CDH18: variants seen among roughly 807,000 people sequenced by gnomAD.
CDH18 encodes the protein cadherin-18.
In CDH18, 31 loss-of-function variants were observed where a neutral mutation model predicts 67.9. The ratio of observed to expected loss-of-function variants is 0.46; its 90% confidence interval spans 0.34 to 0.62. The LOEUF is 0.62. Among genes scored for constraint, CDH18 ranks in the 20% least tolerant of loss-of-function variants. The pLI, the probability that CDH18 is intolerant of heterozygous loss-of-function variation, is 0.01. For missense variants in CDH18, 890 were observed against 975.5 expected (o/e 0.91, Z 1.17); for synonymous variants, 362 against 347.2 (o/e 1.04, Z -0.48).
chr5:20,286,645 C>T (rs1746717698), intron 1 of CDH18, among the ~76,000 whole-genome samples: 3 of 151,630 alleles, frequency 2.0e-5, no homozygotes, highest in Admixed American at 1.3e-4. Flanking sequence ...CCTATGCTAA[C>T]AAAATGTTCT....
At chr5:20,460,956 T>C (rs185920603) in intron 1 of CDH18, among the ~76,000 whole-genome samples, 2 of 152,328 alleles carry the variant, frequency 1.3e-5, no homozygotes, top group East Asian at 3.9e-4. Context: ...CCTCAGGAGC[T>C]AGCAATCACA....
chr5:20,259,062 A>G (rs763514430), intron 1 of CDH18, among the ~76,000 whole-genome samples: 3 of 152,198 alleles, frequency 2.0e-5, no homozygotes, highest in Non-Finnish European at 4.4e-5. Flanking sequence ...CTGCTGCAAC[A>G]AACGCCTAAA....
At chr5:19,631,206 C>T (rs1006296563) in intron 5 of CDH18, among the ~76,000 whole-genome samples, 1 of 151,818 alleles carries the variant, frequency 6.6e-6, no homozygotes, top group African/African-American at 2.4e-5. Flanking sequence ...GAGTACAAGT[C>T]GATCATAAGC....
intron 2 of CDH18, among the ~76,000 whole-genome samples, chr5:19,841,774 T>A (rs1177693436): frequency 2.0e-5 from 3 of 152,168 alleles, no homozygotes; most frequent in Non-Finnish European, 4.4e-5. Flanking sequence ...TTGCAATGCA[T>A]TACAGATATG....
At chr5:20,241,752 T>A (rs1465614919) in intron 2 of CDH18, among the ~76,000 whole-genome samples, 1 of 150,950 alleles carries the variant, frequency 6.6e-6, no homozygotes, top group Non-Finnish European at 1.5e-5. Flanking sequence ...CTCGGGAGGC[T>A]GAAGCAGGAG....
Position 19,960,667 on chromosome 5 carries a change from A to G in CDH18, c.-257+20393T>C, listed in dbSNP as rs147720631. Among the ~76,000 whole-genome samples the G allele has an allele frequency of 5.4e-3, 692 of 126,998 alleles. 9 individuals are homozygous for G. The highest frequency in any genetic ancestry group is 9.4e-3 in the East Asian group (46 of 4,868). The allele number at this position is 126,998 out of a possible 152,430, so 83.3% of individuals were successfully genotyped here. ...TATACACGTGTATATATATATACAC[A>G]TGTATATATATGTATACATATACAC... On this transcript the variant is annotated intron_variant, in intron 2 of 12. Coordinates refer to ENST00000382275, the MANE Select transcript of CDH18 (RefSeq NM_004934.5).
At chr5:19,607,746 A>C (rs958964374) in intron 6 of CDH18, among the ~76,000 whole-genome samples, 3 of 151,502 alleles carry the variant, frequency 2.0e-5, no homozygotes, top group Admixed American at 6.6e-5. Flanking sequence ...AAACATTTAT[A>C]AATTAAGAAT....
At chr5:20,153,352 C>T (rs982308019) in intron 2 of CDH18, among the ~76,000 whole-genome samples, 4 of 152,062 alleles carry the variant, frequency 2.6e-5, no homozygotes, top group African/African-American at 9.7e-5. Flanking sequence ...TATAATCAAG[C>T]CTAGAGTCTG....
chr5:19,834,208 T>C (rs1230162375), intron 3 of CDH18, among the ~76,000 whole-genome samples: 2 of 151,754 alleles, frequency 1.3e-5, no homozygotes, highest in Non-Finnish European at 2.9e-5. Context: ...TCAGAACTTG[T>C]TTTTGGTCTA....
chr5:19,648,451 G>A (rs1429500899), intron 5 of CDH18, among the ~76,000 whole-genome samples: 2 of 151,850 alleles, frequency 1.3e-5, no homozygotes, highest in Admixed American at 1.3e-4. Flanking sequence ...AATAAAGGGA[G>A]GCAGTCAGAT....
intron 2 of CDH18, among the ~76,000 whole-genome samples, chr5:19,856,088 T>C (rs1156729152): frequency 6.6e-6 from 1 of 152,208 alleles, no homozygotes; most frequent in African/African-American, 2.4e-5. Context: ...ATCATCACAT[T>C]TCTCAAAAGA....
intron 1 of CDH18, among the ~76,000 whole-genome samples, chr5:20,531,667 T>G (rs999918784): frequency 2.0e-5 from 3 of 151,318 alleles, no homozygotes; most frequent in African/African-American, 7.4e-5. Context: ...ATGTTCTCAC[T>G]TATAAATGGA....
At chr5:20,100,629 T>G (rs1210619473) in intron 2 of CDH18, among the ~76,000 whole-genome samples, 1 of 152,170 alleles carries the variant, frequency 6.6e-6, no homozygotes, top group Admixed American at 6.5e-5. Flanking sequence ...AGAAGTTAAT[T>G]CTATAACACC....
intron 2 of CDH18, among the ~76,000 whole-genome samples, chr5:19,843,468 T>C (rs926937686): frequency 6.7e-6 from 1 of 148,960 alleles, no homozygotes; most frequent in African/African-American, 2.5e-5. Context: ...TTTCAGAGGA[T>C]GTATAGGAAC....
At chr5:19,944,594 T>C (rs1282701318) in intron 2 of CDH18, among the ~76,000 whole-genome samples, 1 of 152,164 alleles carries the variant, frequency 6.6e-6, no homozygotes, top group Non-Finnish European at 1.5e-5. Flanking sequence ...GTCCTCTGCC[T>C]ATTGCACTCA....
chr5:19,710,675 G>A (rs568808522), intron 5 of CDH18, among the ~76,000 whole-genome samples: 1 of 151,926 alleles, frequency 6.6e-6, no homozygotes, highest in Non-Finnish European at 1.5e-5. Context: ...CGTGACAAAT[G>A]TTATGTAAAA....
intron 3 of CDH18, among the ~76,000 whole-genome samples, chr5:19,777,577 G>T (rs1250857695): frequency 6.6e-6 from 1 of 152,116 alleles, no homozygotes; most frequent in East Asian, 1.9e-4. Context: ...AAGAATTAGG[G>T]CCTAAATTGT....
intron 2 of CDH18, among the ~76,000 whole-genome samples, chr5:19,841,738 T>C (rs1473756155): frequency 1.3e-5 from 2 of 152,142 alleles, no homozygotes; most frequent in East Asian, 1.9e-4. Flanking sequence ...GCTTAATTTA[T>C]GAGTACAAGG....
intron 3 of CDH18, among the ~76,000 whole-genome samples, chr5:19,773,702 T>C (rs1391230643): frequency 2.0e-5 from 3 of 152,120 alleles, no homozygotes; most frequent in South Asian, 2.1e-4. Context: ...AGTTTAAAAA[T>C]AGAAGATGAT....
Sources: allele counts gnomAD v4.1 joint callset (sites outside exome capture counted in the v4.1 genomes callset), GRCh38; gene constraint gnomAD v4.1.1; transcripts MANE v1.5; gene names NCBI Gene and HGNC (gene_info 2026-07-23, HGNC 2026-07-21).